The following ZNF782 variants were observed in gnomAD, a reference collection of about 807,000 sequenced individuals.
ZNF782 encodes zinc finger protein 782.
ZNF782 carries 12 observed loss-of-function variants against 13.0 expected under a neutral mutation model. The ratio of observed to expected loss-of-function variants is 0.92; its 90% confidence interval spans 0.59 to 1.50. ZNF782 has a LOEUF of 1.50. Among genes scored for constraint, ZNF782 ranks in the 40% most tolerant of loss-of-function variants. The pLI is 0.00. For missense variants in ZNF782, 770 were observed against 822.9 expected (o/e 0.94, Z 0.79); for synonymous variants, 284 against 283.0 (o/e 1.00, Z -0.04).
the ZNF782 span, among the ~76,000 whole-genome samples, chr9:96,907,373 G>A: frequency 3.4e-4 from 51 of 152,036 alleles, 1 homozygote; most frequent in South Asian, 0.01. Context: ...GTTGTTTAAC[G>A]GAAATCGAGT....
intron 4 of ZNF782, among the ~76,000 whole-genome samples, chr9:96,836,827 T>C (rs1400634267): frequency 6.6e-6 from 1 of 152,108 alleles, no homozygotes; most frequent in Admixed American, 6.5e-5. Flanking sequence ...TAGGAATAGA[T>C]TATTTCTTGT....
chr9:96,930,077 G>A, the ZNF782 span, among the ~76,000 whole-genome samples: 1 of 152,234 alleles, frequency 6.6e-6, no homozygotes, highest in East Asian at 1.9e-4. Context: ...CTAGTGAACA[G>A]GGATGAGTTC....
At chr9:96,880,175 A>AT (rs1000739647), upstream of ZNF782, among the ~76,000 whole-genome samples, 330 of 136,540 alleles carry the variant, frequency 2.4e-3, 1 homozygote, top group East Asian at 0.025. Context: ...TAGTTTTAAG[A>AT]TTTTTTTTTT....
chr9:96,857,123 A>G (rs915936100), upstream of ZNF782, among the ~76,000 whole-genome samples: 1 of 152,220 alleles, frequency 6.6e-6, no homozygotes, highest in Non-Finnish European at 1.5e-5. Context: ...ACGTACTTGT[A>G]AAGTTCCCAT....
intron 1 of ZNF782, among the ~76,000 whole-genome samples, chr9:96,872,960 G>C (rs1252601079): frequency 6.6e-6 from 1 of 152,170 alleles, no homozygotes; most frequent in South Asian, 2.1e-4. Context: ...AAAAAAAGTG[G>C]AAGTACAGAA....
At chr9:96,912,788 A>G in the ZNF782 span, among the ~76,000 whole-genome samples, 4 of 150,884 alleles carry the variant, frequency 2.7e-5, no homozygotes, top group Admixed American at 6.6e-5. Context: ...CAGCCTCCCA[A>G]TGTGCTGGGG....
intron 3 of ZNF782, among the ~76,000 whole-genome samples, chr9:96,851,343 G>A (rs1851479293): frequency 6.6e-6 from 1 of 152,026 alleles, no homozygotes. Flanking sequence ...CACACAAAAA[G>A]TCTTCGCAAG....
chr9:96,879,284 C>T (rs1232660486), upstream of ZNF782, among the ~76,000 whole-genome samples: 1 of 152,126 alleles, frequency 6.6e-6, no homozygotes, highest in Non-Finnish European at 1.5e-5. Flanking sequence ...GTCAAGAGAT[C>T]GAGACCATCC....
At chr9:96,835,235 G>C (rs1041257178) in intron 4 of ZNF782, among the ~76,000 whole-genome samples, 3 of 152,168 alleles carry the variant, frequency 2.0e-5, no homozygotes, top group Non-Finnish European at 4.4e-5. Context: ...GCTTATGCTG[G>C]AGTTATACTA....
chr9:96,856,470 G>A (rs1030659846), upstream of ZNF782, among the ~76,000 whole-genome samples: 12 of 152,122 alleles, frequency 7.9e-5, no homozygotes, highest in Admixed American at 7.2e-4. Flanking sequence ...CCTTTCTCCC[G>A]CCCTCCCCAG....
chr9:96,818,774 T>C lies in ZNF782; in HGVS notation c.1249A>G (p.Thr417Ala). 13 of 1,614,124 alleles carry C rather than the reference T, an allele frequency of 8.1e-6. No homozygotes were observed. Among genetic ancestry groups the C allele is most frequent in the Non-Finnish European group, 1.1e-5 (13 of 1,180,012 alleles). The part of the protein sequence containing the change: ...SRLRKHQRTH[T>A]GEKPYKCDGC... Reference sequence around the variant, plus strand: ...TCACATTTGTATGGTTTCTCTCCCGTGTGAGTTCTCTGATGTTTTCTTAGG... The same window carrying C: ...TCACATTTGTATGGTTTCTCTCCCGCGTGAGTTCTCTGATGTTTTCTTAGG... Residue 417 changes from threonine to alanine, a missense_variant, in exon 6 of 6, where the codon ACG (threonine) becomes GCG (alanine). Physicochemically the swap from Thr to Ala is moderately conservative, Grantham distance 58. Coordinates refer to ENST00000481138, the MANE Select transcript of ZNF782 (RefSeq NM_001001662.3).
At chr9:96,866,090 G>C (rs971318587) in intron 1 of ZNF782, among the ~76,000 whole-genome samples, 5 of 152,300 alleles carry the variant, frequency 3.3e-5, no homozygotes, top group South Asian at 2.1e-4. Flanking sequence ...TTTCTGAGGA[G>C]AAATTCAAGC....
chr9:96,878,528 GCAAA>G (rs1470790379), upstream of ZNF782, among the ~76,000 whole-genome samples: 4 of 152,136 alleles, frequency 2.6e-5, no homozygotes, highest in African/African-American at 9.7e-5. Flanking sequence ...TTAGGCTACA[GCAAA>G]CAATGCATTT....
chr9:96,869,192 C>A (rs1851795550), intron 1 of ZNF782, among the ~76,000 whole-genome samples: 1 of 151,596 alleles, frequency 6.6e-6, no homozygotes, highest in African/African-American at 2.4e-5. Flanking sequence ...GCTTATTAAC[C>A]TTTTTGGCAT....
the ZNF782 span, among the ~76,000 whole-genome samples, chr9:96,896,368 C>T: frequency 2.1e-3 from 313 of 152,234 alleles, 2 homozygotes; most frequent in East Asian, 7.7e-4. Flanking sequence ...CTATATCAAT[C>T]GCACTGGTCC....
intron 4 of ZNF782, among the ~76,000 whole-genome samples, chr9:96,829,695 A>G (rs532600891): frequency 1.4e-4 from 22 of 152,342 alleles, no homozygotes; most frequent in African/African-American, 5.3e-4. Context: ...ACCAGGATAA[A>G]TCATAAGATG....
the ZNF782 span, among the ~76,000 whole-genome samples, chr9:96,882,149 G>T: frequency 6.6e-6 from 1 of 151,934 alleles, no homozygotes; most frequent in East Asian, 1.9e-4. Flanking sequence ...ACTAAAGAAT[G>T]TGTTCACCAA....
At chr9:96,844,035 C>G (rs1170052504) in intron 4 of ZNF782, among the ~76,000 whole-genome samples, 1 of 152,122 alleles carries the variant, frequency 6.6e-6, no homozygotes, top group Non-Finnish European at 1.5e-5. Context: ...TGTTGTTAGT[C>G]ATCAGGAAAA....
chr9:96,820,210 C>T (rs1468703301), intron 5 of ZNF782, among the ~76,000 whole-genome samples: 1 of 152,044 alleles, frequency 6.6e-6, no homozygotes, highest in Non-Finnish European at 1.5e-5. Context: ...CAGGGTTTGC[C>T]GTAGGGAGTA....
Sources: allele counts gnomAD v4.1 joint callset (sites outside exome capture counted in the v4.1 genomes callset), GRCh38; gene constraint gnomAD v4.1.1; transcripts MANE v1.5; gene names NCBI Gene and HGNC (gene_info 2026-07-23, HGNC 2026-07-21).